Variants in MCPH1 observed in about 807,000 individuals in gnomAD.
MCPH1 encodes the protein microcephalin.
In MCPH1, 104 loss-of-function variants were observed where a neutral mutation model predicts 84.5. The ratio of observed to expected loss-of-function variants is 1.23; its 90% CI spans 1.05 to 1.45. The LOEUF (loss-of-function observed/expected upper bound fraction) is 1.45, where lower values mean the gene tolerates loss of function less well. Ranked by LOEUF, MCPH1 falls within the 40% of genes most tolerant of loss-of-function variation. The pLI, the probability that MCPH1 is intolerant of heterozygous loss-of-function variation, is 0.00. For missense variants in MCPH1, 1,498 were observed against 1,005.7 expected, an observed-to-expected ratio of 1.49 and a Z score of -6.62; for synonymous variants, 514 against 366.8, an observed-to-expected ratio of 1.40 and a Z score of -4.58.
intron 11 of MCPH1, among the ~76,000 whole-genome samples, chr8:6,484,924 T>A (rs1181664049): frequency 6.6e-6 from 1 of 152,212 alleles, no homozygotes; most frequent in Non-Finnish European, 1.5e-5. Context: ...ATTGGAATTG[T>A]GCTGTGTTGT....
At chr8:6,428,079 G>T (rs1028545908) in intron 3 of MCPH1, among the ~76,000 whole-genome samples, 14 of 151,890 alleles carry the variant, frequency 9.2e-5, no homozygotes, top group Admixed American at 6.6e-4. Context: ...ACCACGCCTC[G>T]CCTATACTGT....
At chr8:6,484,401 A>G (rs1357697948) in intron 11 of MCPH1, among the ~76,000 whole-genome samples, 1 of 152,240 alleles carries the variant, frequency 6.6e-6, no homozygotes, top group Non-Finnish European at 1.5e-5. Flanking sequence ...GCACTCTAGC[A>G]AGGAGCCAGG....
intron 12 of MCPH1, among the ~76,000 whole-genome samples, chr8:6,574,707 A>T (rs1018362914): frequency 8.5e-5 from 13 of 152,234 alleles, no homozygotes; most frequent in African/African-American, 3.1e-4. Flanking sequence ...AAGCTGAAAG[A>T]TAAGTGAAAA....
At position 6,450,909 on chromosome 8, in the gene MCPH1, C is replaced by T. The variant is rs976206886; in HGVS notation, c.1826-4234C>T. Among the ~76,000 whole-genome samples, 28 of 152,146 alleles carry T rather than the reference C, an allele frequency of 1.8e-4. No individual in the cohort carries two copies. The Middle Eastern group carries it at 0.01, about 55-fold the overall frequency. ...AGACGCAGGCCACCACACTCGGCTACGTTCCCCAGGCTGGTCTCCAACTTC... is the reference window on the plus strand; with the variant it reads ...AGACGCAGGCCACCACACTCGGCTATGTTCCCCAGGCTGGTCTCCAACTTC... On this transcript the variant is annotated intron_variant, in intron 8 of 13. Transcript: ENST00000344683.
chr8:6,593,959 TAGA>T (rs1828720160), intron 12 of MCPH1, among the ~76,000 whole-genome samples: 1 of 152,228 alleles, frequency 6.6e-6, no homozygotes, highest in African/African-American at 2.4e-5. Context: ...GAAGCATGGA[TAGA>T]AGGCTGGTGG....
intron 13 of MCPH1, among the ~76,000 whole-genome samples, chr8:6,639,059 A>G (rs1294662780): frequency 6.6e-6 from 1 of 152,182 alleles, no homozygotes. Flanking sequence ...GGTTACATGT[A>G]GGCTTCTGTT....
At chr8:6,462,604 A>G (rs745748789) in intron 9 of MCPH1, among the ~76,000 whole-genome samples, 1 of 152,176 alleles carries the variant, frequency 6.6e-6, no homozygotes, top group African/African-American at 2.4e-5. Flanking sequence ...CAGTGTTGCT[A>G]AAGCATTGCC....
At position 6,502,846 on chromosome 8, in the gene MCPH1, C is replaced by T. The variant is rs1812456864; in HGVS notation, c.2214+2917C>T. ...GTAAACTGTCAGTCTGATTCTCAGCCTCGGGTTCATCTTTGCATAGGTGTT... is the reference window on the plus strand; with the variant it reads ...GTAAACTGTCAGTCTGATTCTCAGCTTCGGGTTCATCTTTGCATAGGTGTT... On this transcript the variant is annotated intron_variant, in intron 12 of 13. Transcript: ENST00000344683. The T allele has an allele frequency of 2.2e-5, 10 of 444,490 alleles. No individual in the cohort carries two copies. In the South Asian group the frequency reaches 3.9e-4, roughly 17 times the overall value. The allele number at this position is 444,490 out of a possible 1,614,324, so 27.5% of individuals were successfully genotyped here.
intron 2 of MCPH1, among the ~76,000 whole-genome samples, chr8:6,410,164 C>T (rs763938019): frequency 5.3e-5 from 8 of 150,982 alleles, no homozygotes; most frequent in Middle Eastern, 3.4e-3. Context: ...TTAGTAAAGA[C>T]GGGGTTTCAC....
intron 12 of MCPH1, chr8:6,618,512 T>C (rs1831089631): frequency 6.6e-6 from 1 of 152,186 alleles, no homozygotes; most frequent in Non-Finnish European, 1.5e-5. Flanking sequence ...ATCTCAGTTT[T>C]TGGTTAAGAA....
Position 6,565,472 on chromosome 8 carries a change from G to A in MCPH1, c.2215-55982G>A, listed in dbSNP as rs900842873. ...ACGGGGTCTCACTCTTGTTGCCCAG[G>A]CTGGTCTTGAACTCCTGGCATCCAA... is the stretch of plus-strand genomic sequence containing the variant. On this transcript the variant is annotated intron_variant, in intron 12 of 13. Coordinates refer to ENST00000344683, the MANE Select transcript of MCPH1 (RefSeq NM_024596.5). Among the ~76,000 whole-genome samples, 9 of 152,070 alleles carry A rather than the reference G, an allele frequency of 5.9e-5. 1 individual carries two copies. In the South Asian group the frequency reaches 1.9e-3, roughly 32 times the overall value.
chr8:6,412,887 A>G (rs1798735320), intron 2 of MCPH1, among the ~76,000 whole-genome samples: 1 of 152,254 alleles, frequency 6.6e-6, no homozygotes, highest in South Asian at 2.1e-4. Flanking sequence ...GGGCAGTGCC[A>G]TGAAATTCAC....
At chr8:6,416,543 G>C (rs559306010) in intron 3 of MCPH1, among the ~76,000 whole-genome samples, 1 of 152,280 alleles carries the variant, frequency 6.6e-6, no homozygotes, top group African/African-American at 2.4e-5. Flanking sequence ...AGATATGGTT[G>C]TCAGATGTTT....
chr8:6,467,836 C>A (rs572981790), intron 9 of MCPH1, among the ~76,000 whole-genome samples: 388 of 152,252 alleles, frequency 2.5e-3, no homozygotes, highest in African/African-American at 7.5e-3. Flanking sequence ...GGCCTCAAAC[C>A]ATCCACTCGC....
chr8:6,426,445 G>A (rs534609881), intron 3 of MCPH1, among the ~76,000 whole-genome samples: 1 of 152,320 alleles, frequency 6.6e-6, no homozygotes, highest in South Asian at 2.1e-4. Flanking sequence ...GAATCATCCA[G>A]CGTGTACTAT....
intron 9 of MCPH1, among the ~76,000 whole-genome samples, chr8:6,460,959 G>C (rs548842634): frequency 6.6e-6 from 1 of 152,266 alleles, no homozygotes; most frequent in East Asian, 1.9e-4. Flanking sequence ...ACCATTCCTG[G>C]AGACGATGGG....
At chr8:6,530,777 A>G (rs1032230704) in intron 12 of MCPH1, among the ~76,000 whole-genome samples, 3 of 152,120 alleles carry the variant, frequency 2.0e-5, no homozygotes, top group Non-Finnish European at 4.4e-5. Context: ...TTGTTAATCT[A>G]TCATTTCACT....
At position 6,459,850 on chromosome 8, in the gene MCPH1, C is replaced by T. The variant is rs1585896056; in HGVS notation, c.1935+4598C>T. The stretch of plus-strand genomic sequence containing the variant: ...TGAGTTCTGAGTAATGTGAAGGTGC[C>T]AGGTAGAAGGTACAAAGGCAAGAAA... On this transcript the variant is annotated intron_variant, in intron 9 of 13. Transcript: ENST00000344683. Among the ~76,000 whole-genome samples the T allele has an allele frequency of 3.3e-5, 5 of 152,280 alleles. No individual in the cohort carries two copies. In the East Asian group the frequency reaches 5.8e-4, roughly 18 times the overall value.
intron 12 of MCPH1, chr8:6,532,560 C>A: frequency 3.6e-5 from 34 of 955,740 alleles, no homozygotes; most frequent in South Asian, 8.3e-5. Flanking sequence ...TGTTTGTCGT[C>A]TCCTCCCTAT....
Sources: allele counts gnomAD v4.1 joint callset (sites outside exome capture counted in the v4.1 genomes callset), GRCh38; gene constraint gnomAD v4.1.1; transcripts MANE v1.5; gene names NCBI Gene and HGNC (gene_info 2026-07-23, HGNC 2026-07-21).